The following CEP192 variants were observed in gnomAD, a reference collection of about 807,000 sequenced individuals.
CEP192 encodes centrosomal protein 192.
Under a neutral mutation model 271.8 loss-of-function variants are expected in CEP192, and 151 were observed. That is an observed-to-expected ratio of 0.56 (90% CI 0.49 to 0.64). CEP192 has a LOEUF of 0.64. CEP192 is among the 30% of genes least tolerant of loss of function. CEP192 has a pLI of 0.00. For synonymous variants in CEP192, 995 were observed against 1,076.5 expected, an observed-to-expected ratio of 0.92 and a Z score of 1.48; for missense variants, 2,910 against 3,020.5, an observed-to-expected ratio of 0.96 and a Z score of 0.86.
intron 44 of CEP192, among the ~76,000 whole-genome samples, chr18:13,122,001 G>C (rs2040684104): frequency 6.6e-6 from 1 of 152,344 alleles, no homozygotes; most frequent in Non-Finnish European, 1.5e-5. Context: ...TTAAAAAAAT[G>C]TTTTGGGCCG....
At chr18:13,122,229 C>T (rs1443684354) in intron 44 of CEP192, among the ~76,000 whole-genome samples, 2 of 152,230 alleles carry the variant, frequency 1.3e-5, no homozygotes, top group African/African-American at 4.8e-5. Context: ...CAAGACCATC[C>T]TGGCCAACAT....
chr18:13,105,548 C>T (rs550412698), intron 40 of CEP192, among the ~76,000 whole-genome samples: 1 of 152,336 alleles, frequency 6.6e-6, no homozygotes, highest in South Asian at 2.1e-4. Context: ...TTGGCCTCAG[C>T]AATATACTTT....
chr18:13,040,237 A>C (rs2036131779), intron 13 of CEP192, among the ~76,000 whole-genome samples: 1 of 152,250 alleles, frequency 6.6e-6, no homozygotes, highest in African/African-American at 2.4e-5. Flanking sequence ...AATCAAGGGA[A>C]GAAATTAAGA....
chr18:13,012,687 G>T (rs2034433566), intron 4 of CEP192, among the ~76,000 whole-genome samples: 1 of 152,094 alleles, frequency 6.6e-6, no homozygotes, highest in African/African-American at 2.4e-5. Flanking sequence ...CTTACTCAAG[G>T]TGTCATTTCT....
chr18:13,095,730 C>T, intron 35 of CEP192, 49 bp downstream of exon 35: 1 of 1,518,456 alleles, frequency 6.6e-7, no homozygotes. Flanking sequence ...GGCGTCCGGG[C>T]CTGCACTCCC....
At chr18:12,999,055 T>C (rs1199301712) in intron 1 of CEP192, among the ~76,000 whole-genome samples, 3 of 152,348 alleles carry the variant, frequency 2.0e-5, no homozygotes, top group Middle Eastern at 3.4e-3. Context: ...CTTTTAAATA[T>C]GTCCTAAAAT....
chr18:13,070,024 G>A (rs2037928140), intron 27 of CEP192, among the ~76,000 whole-genome samples, 168 bp downstream of exon 27: 1 of 152,110 alleles, frequency 6.6e-6, no homozygotes, highest in Non-Finnish European at 1.5e-5. Context: ...AGCAGGGCTT[G>A]GTGGTGTGCA....
chr18:13,072,882 T>C, intron 29 of CEP192, 37 bp downstream of exon 29: 1 of 1,556,462 alleles, frequency 6.4e-7, no homozygotes, highest in Non-Finnish European at 8.9e-7. Flanking sequence ...ATGTCTTCTG[T>C]CTGGGTCTGG....
chr18:13,062,938 T>G (rs918355453), intron 21 of CEP192, among the ~76,000 whole-genome samples: 2 of 152,196 alleles, frequency 1.3e-5, no homozygotes, highest in Non-Finnish European at 2.9e-5. Context: ...TAAGTTCAAT[T>G]GATTTGATTT....
intron 4 of CEP192, among the ~76,000 whole-genome samples, chr18:13,010,705 G>T (rs1046133569): frequency 1.3e-5 from 2 of 152,074 alleles, no homozygotes; most frequent in African/African-American, 4.8e-5. Context: ...AATTAGCCGG[G>T]CATGGTGGCA....
chr18:13,035,200 G>A (rs1018897666), intron 11 of CEP192, among the ~76,000 whole-genome samples: 7 of 152,060 alleles, frequency 4.6e-5, no homozygotes, highest in African/African-American at 1.2e-4. Context: ...TGAGCTGTTC[G>A]GTCAATTATT....
intron 1 of CEP192, among the ~76,000 whole-genome samples, chr18:12,992,805 T>A (rs143601790): frequency 6.6e-6 from 1 of 152,292 alleles, no homozygotes; most frequent in Non-Finnish European, 1.5e-5. Context: ...GTCAGCTCCC[T>A]GAGGGGAGCT....
chr18:13,056,269 C>G lies in CEP192; in HGVS notation c.3679C>G (p.Pro1227Ala), dbSNP rs779012089. Residue 1227 changes from proline (P) to alanine (A), a missense_variant, in exon 19 of 45, where the codon CCT becomes GCT. By Grantham distance (27) the Pro-to-Ala change is conservative (BLOSUM62 -1). Coordinates refer to ENST00000506447, the MANE Select transcript of CEP192 (RefSeq NM_032142.4). ...HQTTSENQCT[P>A]IPSSTVHSSV... is the part of the protein sequence containing the mutation. ...GACCACCTCTGAAAACCAGTGTACT[C>G]CTATTCCCAGCAGCACAGTTCACAG... The G allele has an allele frequency of 4.3e-6, 7 of 1,613,826 alleles. No homozygotes were observed. In the South Asian group the frequency reaches 5.5e-5, roughly 13 times the overall value.
intron 30 of CEP192, among the ~76,000 whole-genome samples, chr18:13,076,932 C>T (rs28613155): frequency 0.035 from 5,314 of 152,066 alleles, 284 homozygotes; most frequent in African/African-American, 0.12. Flanking sequence ...TACAGGCACC[C>T]GTCACCACAC....
chr18:13,037,358 G>A, intron 12 of CEP192, 57 bp downstream of exon 12: 2 of 700,922 alleles, frequency 2.9e-6, no homozygotes, highest in South Asian at 3.3e-5. Context: ...TAGTGTAAGT[G>A]TAGGCACAGT....
chr18:13,124,676 C>A lies in CEP192; in HGVS notation c.7520C>A (p.Ser2507Tyr), dbSNP rs368701952. The change falls in exon 45 of 45, where the codon TCC becomes TAC. Residue 2507 changes from serine (S) to tyrosine (Y), a missense_variant. Transcript: ENST00000506447. Reference protein sequence around the residue: ...INMPVQFKPKSAGKFEALLVI... With the variant: ...INMPVQFKPKYAGKFEALLVI... ...ATGCCCGTGCAGTTCAAACCGAAGT[C>A]CGCAGGCAAATTTGAAGCTTTGCTT... 26 of 1,613,840 alleles carry A rather than the reference C, an allele frequency of 1.6e-5. No homozygotes were observed. Among genetic ancestry groups the A allele is most frequent in the Non-Finnish European group, 2.1e-5 (25 of 1,179,958 alleles).
chr18:13,023,490 T>G (rs2035113148), intron 9 of CEP192, among the ~76,000 whole-genome samples: 2 of 149,418 alleles, frequency 1.3e-5, no homozygotes, highest in Non-Finnish European at 3.0e-5. Flanking sequence ...TTTTTTTTTT[T>G]GCAGCTATTG....
At chr18:13,101,945 C>T (rs1191885339) in intron 38 of CEP192, among the ~76,000 whole-genome samples, 2 of 152,150 alleles carry the variant, frequency 1.3e-5, no homozygotes, top group Admixed American at 6.5e-5. Context: ...GGGTGTTCCT[C>T]TCCCTCTCTG....
intron 19 of CEP192, among the ~76,000 whole-genome samples, chr18:13,057,383 C>T (rs1400402704): frequency 6.6e-6 from 1 of 151,724 alleles, no homozygotes; most frequent in Non-Finnish European, 1.5e-5. Context: ...TTTTCTTTTC[C>T]TGCGCTGGAT....
Sources: gnomAD v4.1 joint callset for allele counts (sites outside exome capture counted in the v4.1 genomes callset) on GRCh38, gnomAD v4.1.1 for gene constraint, MANE v1.5 for transcripts, NCBI Gene and HGNC (gene_info 2026-07-23, HGNC 2026-07-21) for gene names.